BICC1: variants seen among roughly 807,000 people sequenced by gnomAD.
BICC1 encodes the protein BicC family RNA binding protein 1.
A neutral mutation model predicts 111.0 loss-of-function variants in BICC1; 43 were observed. The ratio of observed to expected loss-of-function variants is 0.39; its 90% CI spans 0.30 to 0.50. The LOEUF (loss-of-function observed/expected upper bound fraction) is 0.50. BICC1 is among the 20% of genes least tolerant of loss of function. The pLI is 0.88. For synonymous variants in BICC1, 467 were observed against 434.4 expected, an observed-to-expected ratio of 1.07 and a Z score of -0.93; for missense variants, 1,091 against 1,203.2, an observed-to-expected ratio of 0.91 and a Z score of 1.38.
intron 3 of BICC1, among the ~76,000 whole-genome samples, chr10:58,773,672 A>G (rs1390935356): frequency 6.6e-6 from 1 of 152,204 alleles, no homozygotes; most frequent in Non-Finnish European, 1.5e-5. Context: ...AGCAGGGCAG[A>G]GCCAAAGACA....
At chr10:58,657,346 A>G (rs1838691575) in intron 2 of BICC1, among the ~76,000 whole-genome samples, 2 of 152,242 alleles carry the variant, frequency 1.3e-5, no homozygotes, top group South Asian at 4.1e-4. Context: ...TAGGTGTGCT[A>G]TAGTCAGGTA....
At chr10:58,531,614 A>G (rs1251847104) in intron 1 of BICC1, among the ~76,000 whole-genome samples, 1 of 151,902 alleles carries the variant, frequency 6.6e-6, no homozygotes, top group Non-Finnish European at 1.5e-5. Context: ...GAATTACCTG[A>G]CAAATAGTTT....
chr10:58,829,002 A>G lies in BICC1; in HGVS notation c.*111A>G, dbSNP rs978195700. 8 of 1,339,706 alleles carry G rather than the reference A, an allele frequency of 6.0e-6. No individual in the cohort carries two copies. Among genetic ancestry groups the G allele is most frequent in the Non-Finnish European group, 8.2e-6 (8 of 979,964 alleles). 83.0% of individuals were successfully genotyped at this position (1,339,706 alleles called of 1,614,324 possible). Reference sequence around the variant, plus strand: ...AGCACTCTGGGTGTCTGGTATCAGGACCAAAGCATTTTATTCGCACCTGTA... The same window carrying G: ...AGCACTCTGGGTGTCTGGTATCAGGGCCAAAGCATTTTATTCGCACCTGTA... On this transcript the variant is annotated 3_prime_UTR_variant, in exon 21 of 21. Transcript: ENST00000373886.
intron 1 of BICC1, among the ~76,000 whole-genome samples, chr10:58,524,493 C>T (rs1842477373): frequency 6.6e-6 from 1 of 152,076 alleles, no homozygotes; most frequent in Admixed American, 6.6e-5. Flanking sequence ...AACTGGCTAG[C>T]CATATGTAGA....
Position 58,815,461 on chromosome 10 carries a change from T to TA in BICC1, c.2533+1476dup, listed in dbSNP as rs112402921. Among the ~76,000 whole-genome samples the TA allele has an allele frequency of 1.8e-3, 268 of 152,322 alleles. 2 individuals are homozygous for TA. Among genetic ancestry groups the TA allele is most frequent in the African/African-American group, 6.1e-3 (255 of 41,576 alleles). ...AGGGGTGTAAATGATGTCCAGTCTC[T>TA]AGCCCAAGATACATTCATTTGGTGC... On this transcript the variant is annotated intron_variant, in intron 18 of 20. Coordinates refer to ENST00000373886, the MANE Select transcript of BICC1 (RefSeq NM_001080512.3).
chr10:58,577,300 T>C (rs2131999015), intron 1 of BICC1, among the ~76,000 whole-genome samples: 1 of 152,288 alleles, frequency 6.6e-6, no homozygotes, highest in African/African-American at 2.4e-5. Context: ...GGGCACCAAC[T>C]AGTAAGTAAT....
chr10:58,653,772 C>T (rs1431417677), intron 2 of BICC1, among the ~76,000 whole-genome samples: 3 of 149,424 alleles, frequency 2.0e-5, no homozygotes, highest in Admixed American at 6.7e-5. Flanking sequence ...TGCTGGTGTG[C>T]TGCACCCACT....
intron 1 of BICC1, among the ~76,000 whole-genome samples, chr10:58,560,194 T>C (rs1181733487): frequency 6.6e-6 from 1 of 152,006 alleles, no homozygotes; most frequent in Non-Finnish European, 1.5e-5. Flanking sequence ...CATCCATTCT[T>C]GAGCTTTTCT....
chr10:58,715,753 A>C, intron 3 of BICC1: 1 of 1,509,366 alleles, frequency 6.6e-7, no homozygotes, highest in South Asian at 1.1e-5. Context: ...AAAATGAATG[A>C]GAACTGGAAG....
chr10:58,630,687 G>T (rs1588949847), intron 2 of BICC1, among the ~76,000 whole-genome samples: 3 of 152,158 alleles, frequency 2.0e-5, no homozygotes, highest in African/African-American at 7.2e-5. Context: ...ATTCAACTGT[G>T]ATGCATAAAA....
Position 58,716,013 on chromosome 10 carries a change from T to C in BICC1, c.307+13870T>C, listed in dbSNP as rs903028448. 4 of 1,405,018 alleles carry C rather than the reference T, an allele frequency of 2.8e-6. No individual in the cohort carries two copies. In the African/African-American group the frequency reaches 5.6e-5, roughly 20 times the overall value. 87.0% of individuals were successfully genotyped at this position (1,405,018 alleles called of 1,614,324 possible). On this transcript the variant is annotated intron_variant, in intron 3 of 20. Transcript: ENST00000373886. ...CCATGTCAGAAACTGAATCAGACAGTAAGGATAGTTTAAAAAAGAAAAAGA... is the reference window on the plus strand; with the variant it reads ...CCATGTCAGAAACTGAATCAGACAGCAAGGATAGTTTAAAAAAGAAAAAGA...
intron 2 of BICC1, among the ~76,000 whole-genome samples, chr10:58,679,600 C>T (rs1307895526): frequency 6.6e-6 from 1 of 152,256 alleles, no homozygotes; most frequent in South Asian, 2.1e-4. Context: ...CGAATTGTAC[C>T]AGAGGTACAA....
At chr10:58,825,324 A>G (rs1461777938) in intron 20 of BICC1, among the ~76,000 whole-genome samples, 1 of 152,170 alleles carries the variant, frequency 6.6e-6, no homozygotes, top group Non-Finnish European at 1.5e-5. Context: ...CAATAAATAT[A>G]TTGAAAATAT....
chr10:58,768,165 A>G (rs1003429424), intron 3 of BICC1, among the ~76,000 whole-genome samples: 2 of 152,176 alleles, frequency 1.3e-5, no homozygotes, highest in Non-Finnish European at 2.9e-5. Flanking sequence ...GTCAATAATC[A>G]ATGACAGAGA....
rs1466655534 is a variant in BICC1, at chr10:58,627,583, G to A, written c.237+6682G>A. Among the ~76,000 whole-genome samples, 13 of 152,124 alleles carry A rather than the reference G, an allele frequency of 8.5e-5. 1 individual carries two copies. The highest frequency in any genetic ancestry group is 2.1e-4 in the South Asian group (1 of 4,824). On this transcript the variant is annotated intron_variant, in intron 2 of 20. Transcript: ENST00000373886. ...TTACCCTAACTGATAATATGCAAACGTAAACATTTTTGTGTGGGTCAGAAG... is the reference window on the plus strand; with the variant it reads ...TTACCCTAACTGATAATATGCAAACATAAACATTTTTGTGTGGGTCAGAAG...
chr10:58,740,824 G>A (rs888853377), intron 3 of BICC1, among the ~76,000 whole-genome samples: 2 of 152,304 alleles, frequency 1.3e-5, no homozygotes, highest in African/African-American at 2.4e-5. Context: ...AGGGATGGGT[G>A]TGGGGTGGCT....
At chr10:58,796,633 T>C in intron 10 of BICC1, 107 bp downstream of exon 10, 1 of 1,099,382 alleles carries the variant, frequency 9.1e-7, no homozygotes, top group East Asian at 2.6e-5. Context: ...TTTTTTTTCC[T>C]TTGGGCTCTA....
intron 1 of BICC1, among the ~76,000 whole-genome samples, chr10:58,563,229 A>G (rs1843660000): frequency 6.6e-6 from 1 of 152,004 alleles, no homozygotes; most frequent in Non-Finnish European, 1.5e-5. Context: ...ATCTCTCAAT[A>G]TGGCTCTGTG....
chr10:58,545,301 AG>A (rs1843108176), intron 1 of BICC1, among the ~76,000 whole-genome samples: 1 of 152,184 alleles, frequency 6.6e-6, no homozygotes, highest in Non-Finnish European at 1.5e-5. Context: ...TAAAGAAAAA[AG>A]GAAAAAAAGA....
Sources: gnomAD v4.1 joint callset for allele counts (sites outside exome capture counted in the v4.1 genomes callset) on GRCh38, gnomAD v4.1.1 for gene constraint, MANE v1.5 for transcripts, NCBI Gene and HGNC (gene_info 2026-07-23, HGNC 2026-07-21) for gene names.